The following MRE11 variants were observed in gnomAD, a reference collection of about 807,000 sequenced individuals.
MRE11 encodes MRE11 double strand break repair nuclease.
MRE11 carries 62 observed loss-of-function variants against 91.7 expected under a neutral mutation model. The ratio of observed to expected loss-of-function variants is 0.68; its 90% CI spans 0.55 to 0.84. The LOEUF (loss-of-function observed/expected upper bound fraction) is 0.84. MRE11 is among the 40% of genes least tolerant of loss of function. The pLI is 0.00. For missense variants in MRE11, 796 were observed against 852.9 expected (o/e 0.93, Z 0.83); for synonymous variants, 273 against 271.4 (o/e 1.01, Z -0.06).
At chr11:94,506,559 A>T in the MRE11 span, among the ~76,000 whole-genome samples, 1 of 151,956 alleles carries the variant, frequency 6.6e-6, no homozygotes, top group Admixed American at 6.6e-5. Flanking sequence ...TTTGGTAATG[A>T]AGAAAAAAGA....
intron 3 of MRE11, among the ~76,000 whole-genome samples, chr11:94,489,775 G>C (rs1947238021): frequency 1.3e-5 from 2 of 152,172 alleles, no homozygotes. Flanking sequence ...TTAACTGCCT[G>C]CTGAAATTTT....
chr11:94,455,757 T>C (rs1231591350), intron 14 of MRE11, among the ~76,000 whole-genome samples: 6 of 152,232 alleles, frequency 3.9e-5, no homozygotes, highest in Admixed American at 6.5e-5. Flanking sequence ...GTTTCTTTTT[T>C]GCCCAAAATA....
At chr11:94,496,755 C>A (rs1282689312), upstream of MRE11, 3 of 1,612,106 alleles carry the variant, frequency 1.9e-6, no homozygotes, top group South Asian at 2.2e-5. Flanking sequence ...TTGGATTTTT[C>A]TGAACACTTT....
At position 94,459,429 on chromosome 11, in the gene MRE11, G is replaced by A. The variant is rs753325874; in HGVS notation, c.1479C>T (p.Leu493=). ...TTACCTCCTCATCGATTTTGTCTTC[G>A]AGGGCATCAATATGACGTTCTTTAA... The part of the protein sequence containing the change: ...RFLKERHIDA[L]EDKIDEEVRR... The change falls in exon 13 of 20, where the codon CTC becomes CTT. Residue 493 remains leucine (L), a synonymous_variant. Transcript: ENST00000323929. 9 of 1,613,754 alleles carry A rather than the reference G, an allele frequency of 5.6e-6. No individual in the cohort carries two copies. The highest frequency in any genetic ancestry group is 4.0e-5 in the African/African-American group (3 of 74,870).
intron 19 of MRE11, among the ~76,000 whole-genome samples, chr11:94,422,942 A>AC (rs1945212975): frequency 6.6e-6 from 1 of 152,000 alleles, no homozygotes. Flanking sequence ...TGAACTCCCG[A>AC]CCTCAGGTGA....
chr11:94,507,905 G>A, the MRE11 span, among the ~76,000 whole-genome samples: 2 of 151,682 alleles, frequency 1.3e-5, no homozygotes, highest in Non-Finnish European at 2.9e-5. Context: ...ATGCTCTCTC[G>A]GTCTGTGGCT....
intron 10 of MRE11, chr11:94,466,418 G>A: frequency 4.0e-6 from 2 of 501,980 alleles, no homozygotes; most frequent in Non-Finnish European, 8.3e-6. Flanking sequence ...CAGCGACAGT[G>A]GGATAAAGAA....
At chr11:94,466,690 TA>T in intron 10 of MRE11, 1 of 197,622 alleles carries the variant, frequency 5.1e-6, no homozygotes, top group South Asian at 6.6e-5. Flanking sequence ...CTCCACAGTC[TA>T]CATCCCAGTA....
intron 8 of MRE11, among the ~76,000 whole-genome samples, chr11:94,471,120 C>T (rs1006461921): frequency 6.6e-6 from 1 of 151,838 alleles, no homozygotes; most frequent in African/African-American, 2.4e-5. Context: ...AAGATAAAAC[C>T]CATAATAAAA....
chr11:94,454,698 G>A (rs1285339722), intron 14 of MRE11, among the ~76,000 whole-genome samples: 4 of 152,074 alleles, frequency 2.6e-5, no homozygotes, highest in Non-Finnish European at 5.9e-5. Flanking sequence ...ATTTGTCACA[G>A]CCTCTCCCAC....
chr11:94,496,922 T>C, upstream of MRE11: 4 of 1,613,560 alleles, frequency 2.5e-6, no homozygotes, highest in Non-Finnish European at 3.4e-6. Context: ...CCCAAGCAGA[T>C]TGCTTCTTTG....
At chr11:94,453,844 C>A (rs936999806) in intron 14 of MRE11, among the ~76,000 whole-genome samples, 20 of 150,782 alleles carry the variant, frequency 1.3e-4, no homozygotes, top group African/African-American at 4.9e-4. Context: ...TGAGGTAGAA[C>A]ATAAGAAATC....
intron 19 of MRE11, among the ~76,000 whole-genome samples, chr11:94,425,698 T>G (rs1945295967): frequency 6.6e-6 from 1 of 152,184 alleles, no homozygotes; most frequent in Non-Finnish European, 1.5e-5. Context: ...GTCACAATTC[T>G]TTTATCAGAT....
chr11:94,490,999 T>C, intron 2 of MRE11, 34 bp from the exon 3 acceptor site: 1 of 1,182,540 alleles, frequency 8.5e-7, no homozygotes, highest in Non-Finnish European at 1.2e-6. Context: ...TTCAATATAT[T>C]AATAATTCAT....
At chr11:94,510,935 G>C in the MRE11 span, among the ~76,000 whole-genome samples, 1 of 152,162 alleles carries the variant, frequency 6.6e-6, no homozygotes, top group African/African-American at 2.4e-5. Flanking sequence ...ATTTTTGTAT[G>C]TTTTGTTCAT....
At chr11:94,460,103 T>C (rs1296680858) in intron 12 of MRE11, among the ~76,000 whole-genome samples, 1 of 151,860 alleles carries the variant, frequency 6.6e-6, no homozygotes, top group African/African-American at 2.4e-5. Context: ...GATTTGAAGA[T>C]AAAAGGAGAG....
At chr11:94,511,770 TA>T in the MRE11 span, among the ~76,000 whole-genome samples, 1 of 152,136 alleles carries the variant, frequency 6.6e-6, no homozygotes, top group Non-Finnish European at 1.5e-5. Flanking sequence ...CACCACAACG[TA>T]ATCCATTTTT....
chr11:94,507,215 T>A, the MRE11 span, among the ~76,000 whole-genome samples: 1 of 152,224 alleles, frequency 6.6e-6, no homozygotes, highest in South Asian at 2.1e-4. Context: ...TACATAAATG[T>A]AATAACTTAT....
At chr11:94,485,903 C>A in intron 4 of MRE11, 21 bp downstream of exon 4, 1 of 1,605,882 alleles carries the variant, frequency 6.2e-7, no homozygotes, top group South Asian at 1.1e-5. Context: ...ATCACTCACT[C>A]AAGTAAATAA....
Sources: gnomAD v4.1 joint callset for allele counts (sites outside exome capture counted in the v4.1 genomes callset) on GRCh38, gnomAD v4.1.1 for gene constraint, MANE v1.5 for transcripts, NCBI Gene and HGNC (gene_info 2026-07-23, HGNC 2026-07-21) for gene names.